The following STX1B variants were observed in gnomAD, a reference collection of about 807,000 sequenced individuals.
The protein encoded by STX1B is syntaxin 1B.
A neutral mutation model predicts 39.4 loss-of-function variants in STX1B; 7 were observed. The observed-to-expected ratio is 0.18, with a 90% CI of 0.10 to 0.33. The LOEUF is 0.33. STX1B is among the 10% of genes least tolerant of loss of function. The pLI, the probability that STX1B is intolerant of heterozygous loss-of-function variation, is 1.00. For missense variants in STX1B, 198 were observed against 383.2 expected (o/e 0.52, Z 4.04); for synonymous variants, 136 against 144.1 (o/e 0.94, Z 0.40).
At chr16:31,009,879 T>C (rs923328685) in intron 1 of STX1B, among the ~76,000 whole-genome samples, 30 of 152,002 alleles carry the variant, frequency 2.0e-4, no homozygotes, top group Admixed American at 7.2e-4. Context: ...CACACGCGTG[T>C]GCACACACAC....
Position 31,010,534 on chromosome 16 carries a change from C to G in STX1B, c.-138G>C, listed in dbSNP as rs2143691850. On this transcript the variant is annotated 5_prime_UTR_variant, in exon 1 of 10. Coordinates refer to ENST00000215095, the MANE Select transcript of STX1B (RefSeq NM_052874.5). The stretch of plus-strand genomic sequence containing the variant: ...GCTGCGGGGGGCCTGCGGGCGGGGG[C>G]GGGGCCGGGGGCGACTGGCCGAGGG... 50 of 217,052 alleles carry G rather than the reference C, an allele frequency of 2.3e-4. No individual in the cohort carries two copies. Among genetic ancestry groups the G allele is most frequent in the Non-Finnish European group, 3.4e-4 (42 of 123,936 alleles). 13.4% of individuals were successfully genotyped at this position (217,052 alleles called of 1,614,324 possible).
chr16:30,991,569 A>C lies in STX1B; in HGVS notation c.*1252T>G, dbSNP rs2056558299. ...AAACACACCATGTAGGTCAGGCAGGACAGAAACACATCATGTAGGCCAGGC... is the reference window on the plus strand; with the variant it reads ...AAACACACCATGTAGGTCAGGCAGGCCAGAAACACATCATGTAGGCCAGGC... On this transcript the variant is annotated 3_prime_UTR_variant, in exon 10 of 10. Coordinates refer to ENST00000215095, the MANE Select transcript of STX1B (RefSeq NM_052874.5). The C allele has an allele frequency of 6.5e-6, 1 of 152,692 alleles. No homozygotes were observed. The highest frequency in any genetic ancestry group is 2.4e-5 in the African/African-American group (1 of 41,420). 9.5% of individuals were successfully genotyped at this position (152,692 alleles called of 1,614,324 possible).
At position 31,001,666 on chromosome 16, in the gene STX1B, C is replaced by T; in HGVS notation, c.31-63G>A. Reference sequence around the variant, plus strand: ...ACCTGGGTCCCCAAGGCTGGCTCTCCAGCTCTCCCACCCTCTCCCTGCTAT... The same window carrying T: ...ACCTGGGTCCCCAAGGCTGGCTCTCTAGCTCTCCCACCCTCTCCCTGCTAT... On this transcript the variant is annotated intron_variant, in intron 1 of 9. Coordinates refer to ENST00000215095, the MANE Select transcript of STX1B (RefSeq NM_052874.5). The surrounding 1 kb of genome is among the most constrained non-coding windows in gnomAD (Gnocchi z 5.5). 7.4e-7 allele frequency: 1 copy of T among 1,342,844 alleles called. No individual in the cohort carries two copies. The allele number at this position is 1,342,844 out of a possible 1,614,324, so 83.2% of individuals were successfully genotyped here.
At position 30,992,650 on chromosome 16, in the gene STX1B, G is replaced by C. The variant is rs1395980827; in HGVS notation, c.*171C>G. On this transcript the variant is annotated 3_prime_UTR_variant, in exon 10 of 10. Coordinates refer to ENST00000215095, the MANE Select transcript of STX1B (RefSeq NM_052874.5). ...GATCTACGTGCGGGGACGGGGGGGG[G>C]GTCCATGGCCCGGTGAGGTCCAGGG... The C allele has an allele frequency of 1.3e-5, 7 of 519,990 alleles. No individual in the cohort carries two copies. Among genetic ancestry groups the C allele is most frequent in the East Asian group, 1.2e-4 (4 of 33,168 alleles). 32.2% of individuals were successfully genotyped at this position (519,990 alleles called of 1,614,324 possible).
At chr16:30,996,449 T>C (rs1467724005) in intron 7 of STX1B, 1 of 497,546 alleles carries the variant, frequency 2.0e-6, no homozygotes, top group Non-Finnish European at 3.6e-6. Context: ...ATTAAATGAG[T>C]TGGTGGGTGA....
chr16:31,000,091 G>A (rs559632714), intron 4 of STX1B, among the ~76,000 whole-genome samples: 121 of 151,236 alleles, frequency 8.0e-4, no homozygotes, highest in Non-Finnish European at 1.3e-3. Flanking sequence ...TCTGCCTCCC[G>A]GGTTCAAGTG....
In STX1B at chr16:30,993,142, G is replaced by C; in HGVS notation, c.774C>G (p.Ser258Arg). 6.2e-7 allele frequency: 1 copy of C among 1,614,190 alleles called. No homozygotes were observed. ...SDTKKAVKYQ[S>R]KARRKKIMII... ...CTGCCCCGCTCACCCTCCGGGCCTTGCTCTGATATTTCACTGCTTTCTTGG... is the reference window on the plus strand; with the variant it reads ...CTGCCCCGCTCACCCTCCGGGCCTTCCTCTGATATTTCACTGCTTTCTTGG... Residue 258 changes from serine to arginine, a missense_variant, in exon 9 of 10, where the codon AGC becomes AGG. By Grantham distance (110) the Ser-to-Arg change is moderately radical. Transcript: ENST00000215095.
At chr16:30,996,504 G>A in intron 7 of STX1B, 179 bp downstream of exon 7, 3 of 609,372 alleles carry the variant, frequency 4.9e-6, no homozygotes, top group South Asian at 3.9e-5. Flanking sequence ...GCACACGAAC[G>A]ACTCCGTCAT....
chr16:31,000,853 C>A, intron 4 of STX1B, 75 bp downstream of exon 4: 1 of 1,491,666 alleles, frequency 6.7e-7, no homozygotes, highest in Admixed American at 1.7e-5. Context: ...CCCCGCCTCG[C>A]CCTCCCAAAG....
Position 31,001,628 on chromosome 16 carries a change from A to G in STX1B, c.31-25T>C, listed in dbSNP as rs750910940. 3 of 1,603,226 alleles carry G rather than the reference A, an allele frequency of 1.9e-6. No homozygotes were observed. The highest frequency in any genetic ancestry group is 2.6e-6 in the Non-Finnish European group (3 of 1,172,866). On this transcript the variant is annotated intron_variant, in intron 1 of 9. Transcript: ENST00000215095. The surrounding 1 kb of genome is among the most constrained non-coding windows in gnomAD (Gnocchi z 5.5). ...CCTGGGGACAAGGAAGGCTGAGTCC[A>G]TGAGCAGGCCCTACCTGGGTCCCCA... is the stretch of plus-strand genomic sequence containing the variant.
At position 31,001,391 on chromosome 16, in the gene STX1B, T is replaced by C; in HGVS notation, c.105+138A>G. ...AGGGGCTGGGTGCCGGGGCTGCGGC[T>C]GGGCGGTGGGACTAGGGGCTGGGGC... On this transcript the variant is annotated intron_variant, in intron 2 of 9. Coordinates refer to ENST00000215095, the MANE Select transcript of STX1B (RefSeq NM_052874.5). This position sits in a 1 kb window ranked among gnomAD's most constrained non-coding sequence, Gnocchi z 5.5. 1.6e-6 allele frequency: 1 copy of C among 616,024 alleles called. No individual in the cohort carries two copies. The highest frequency in any genetic ancestry group is 2.5e-6 in the Non-Finnish European group (1 of 405,140). 38.2% of individuals were successfully genotyped at this position (616,024 alleles called of 1,614,324 possible).
At chr16:30,996,619 C>A in intron 7 of STX1B, 64 bp downstream of exon 7, 1 of 1,471,444 alleles carries the variant, frequency 6.8e-7, no homozygotes, top group Non-Finnish European at 9.5e-7. Context: ...CTTAGTTCAA[C>A]CTGAACTTAG....
intron 6 of STX1B, 81 bp downstream of exon 6, chr16:30,996,870 C>A: frequency 6.4e-6 from 10 of 1,571,110 alleles, no homozygotes; most frequent in Non-Finnish European, 8.7e-6. Context: ...AGCCAGGGGC[C>A]CCCTCCAGAG....
chr16:30,993,051 G>T (rs759674282), intron 9 of STX1B, 79 bp downstream of exon 9: 1 of 1,452,486 alleles, frequency 6.9e-7, no homozygotes, highest in Non-Finnish European at 9.7e-7. Context: ...AAGGCCTCCC[G>T]CCCGCTGCCA....
At chr16:30,997,092 G>A in intron 5 of STX1B, 33 bp from the exon 6 acceptor site, 1 of 1,492,294 alleles carries the variant, frequency 6.7e-7, no homozygotes, top group South Asian at 1.1e-5. Context: ...GACGGATCAG[G>A]GAGGTAGTCA....
At chr16:31,004,118 C>A (rs72800842) in intron 1 of STX1B, among the ~76,000 whole-genome samples, 26,025 of 152,250 alleles carry the variant, frequency 0.17, 2,797 homozygotes, top group Non-Finnish European at 0.24. Flanking sequence ...TGTGTCCGGA[C>A]AACCTAGCAA....
rs2056628328 is a variant in STX1B, at chr16:31,001,413, G to A, written c.105+116C>T. 2.2e-6 allele frequency: 2 copies of A among 907,506 alleles called. No homozygotes were observed. The highest frequency in any genetic ancestry group is 3.3e-6 in the Non-Finnish European group (2 of 597,990). 56.2% of individuals were successfully genotyped at this position (907,506 alleles called of 1,614,324 possible). A position where few individuals can be genotyped will look rare whatever the true frequency, so the allele number is the denominator to read the frequency against. Reference sequence around the variant, plus strand: ...GGCTGGGCGGTGGGACTAGGGGCTGGGGCTGGGTGCTGGGGCTGGGGCTGG... The same window carrying A: ...GGCTGGGCGGTGGGACTAGGGGCTGAGGCTGGGTGCTGGGGCTGGGGCTGG... On this transcript the variant is annotated intron_variant, in intron 2 of 9. Transcript: ENST00000215095. The surrounding 1 kb of genome is among the most constrained non-coding windows in gnomAD (Gnocchi z 5.5).
chr16:31,006,883 G>C (rs1311429839), intron 1 of STX1B, among the ~76,000 whole-genome samples: 1 of 152,194 alleles, frequency 6.6e-6, no homozygotes, highest in Non-Finnish European at 1.5e-5. Context: ...GGGAGGGCGT[G>C]GCGGGAGGAT....
rs1326198426 is a variant in STX1B, at chr16:31,001,338, G to A, written c.106-145C>T. The A allele has an allele frequency of 6.6e-6, 6 of 905,454 alleles. No homozygotes were observed. Among genetic ancestry groups the A allele is most frequent in the African/African-American group, 1.6e-5 (1 of 60,762 alleles). 56.1% of individuals were successfully genotyped at this position (905,454 alleles called of 1,614,324 possible). ...AGGGTGCAGGAGCAGGGAAGTGGGG[G>A]ACAGGGAAAAGGAAGTTGTCGGTGG... On this transcript the variant is annotated intron_variant, in intron 2 of 9. Coordinates refer to ENST00000215095, the MANE Select transcript of STX1B (RefSeq NM_052874.5). The surrounding 1 kb of genome is among the most constrained non-coding windows in gnomAD (Gnocchi z 5.5).
Sources: gnomAD v4.1 joint callset for allele counts (sites outside exome capture counted in the v4.1 genomes callset) on GRCh38, gnomAD v4.1.1 for gene constraint, Gnocchi (gnomAD v3.1) non-coding constraint, MANE v1.5 for transcripts, NCBI Gene and HGNC (gene_info 2026-07-23, HGNC 2026-07-21) for gene names.